The following DNAAF6 variants were observed in gnomAD, a reference collection of about 807,000 sequenced individuals.
DNAAF6 encodes dynein axonemal assembly factor 6, also known as PIH1 domain containing 3.
DNAAF6 carries 3 observed loss-of-function variants against 13.7 expected under a neutral mutation model. The ratio of observed to expected loss-of-function variants is 0.22; its 90% CI spans 0.10 to 0.56. The LOEUF (loss-of-function observed/expected upper bound fraction) is 0.56. Among genes scored for constraint, DNAAF6 ranks in the 20% least tolerant of loss-of-function variants. DNAAF6 has a pLI of 0.92. For synonymous variants in DNAAF6, 54 were observed against 49.2 expected (o/e 1.10, Z -0.41); for missense variants, 130 against 151.0 (o/e 0.86, Z 0.73).
chrX:107,242,401 T>C (rs1928641548), intron 6 of DNAAF6, among the ~76,000 whole-genome samples: 1 of 112,365 alleles, frequency 8.9e-6, no homozygotes, highest in Admixed American at 9.4e-5. Context: ...GAGCATCCTG[T>C]CCACCTTTTA....
At chrX:107,233,523 C>T in intron 5 of DNAAF6, among the ~76,000 whole-genome samples, 1 of 111,588 alleles carries the variant, frequency 9.0e-6, no homozygotes, top group Non-Finnish European at 1.9e-5. Flanking sequence ...CACCATTCTT[C>T]TCTCTATTTC....
intron 4 of DNAAF6, among the ~76,000 whole-genome samples, chrX:107,219,724 A>G (rs1301113871): frequency 1.8e-5 from 2 of 111,577 alleles, no homozygotes; most frequent in Non-Finnish European, 3.8e-5. Context: ...ATTATAATGT[A>G]CTATATAAAT....
intron 4 of DNAAF6, among the ~76,000 whole-genome samples, chrX:107,219,890 C>G (rs1238003771): frequency 1.8e-5 from 2 of 109,998 alleles, no homozygotes; most frequent in Admixed American, 9.7e-5. Context: ...TGCGCCCCTC[C>G]TGGGTTCAAG....
At chrX:107,226,049 G>T (rs950681266) in intron 5 of DNAAF6, among the ~76,000 whole-genome samples, 1 of 111,963 alleles carries the variant, frequency 8.9e-6, no homozygotes, top group Non-Finnish European at 1.9e-5. Context: ...CCTTGTTTAA[G>T]AAGGTACTAT....
At chrX:107,206,776 T>C (rs1927711210) in intron 1 of DNAAF6, 86 bp downstream of exon 1, 1 of 110,750 alleles carries the variant, frequency 9.0e-6, no homozygotes, top group South Asian at 3.9e-4. Flanking sequence ...ACTCTAGATA[T>C]TTATAACTCT....
intron 1 of DNAAF6, among the ~76,000 whole-genome samples, 165 bp downstream of exon 1, chrX:107,206,855 T>G (rs1425123903): frequency 9.0e-6 from 1 of 111,598 alleles, no homozygotes; most frequent in Non-Finnish European, 1.9e-5. Context: ...CCCGCTATCC[T>G]AGACTCTTCA....
In DNAAF6 at chrX:107,236,698, C is replaced by A. The variant is rs1324782494; in HGVS notation, c.430-2224C>A. Among the ~76,000 whole-genome samples, 3 of 112,137 alleles carry A rather than the reference C, an allele frequency of 2.7e-5. No homozygotes were observed. In the East Asian group the frequency reaches 8.3e-4, roughly 31 times the overall value. ...TTTTAAGAACCATTTTAAAGTTCTA[C>A]CCAGAAATTGTATCTATTTTTGTCT... On this transcript the variant is annotated intron_variant, in intron 5 of 6. Transcript: ENST00000372453.
chrX:107,227,641 G>A (rs760761760), intron 5 of DNAAF6, among the ~76,000 whole-genome samples: 3 of 110,494 alleles, frequency 2.7e-5, no homozygotes, highest in Non-Finnish European at 3.8e-5. Context: ...ATTTCTAATC[G>A]CTGTCTCAGT....
At chrX:107,229,127 CTTTTTTTTTTTTTTT>C (rs768372176) in intron 5 of DNAAF6, among the ~76,000 whole-genome samples, 2 of 51,586 alleles carry the variant, frequency 3.9e-5, no homozygotes, top group African/African-American at 2.2e-4. Flanking sequence ...GTTGACTACT[CTTTTTTTTTTTTTTT>C]TTTTTTTTTT....
chrX:107,229,345 C>T (rs754084286), intron 5 of DNAAF6, among the ~76,000 whole-genome samples: 9 of 107,399 alleles, frequency 8.4e-5, no homozygotes, highest in Non-Finnish European at 1.5e-4. Context: ...AGGCTGGTCT[C>T]CAACTCCTGG....
chrX:107,231,286 G>A (rs1440261607), intron 5 of DNAAF6, among the ~76,000 whole-genome samples: 1 of 111,505 alleles, frequency 9.0e-6, no homozygotes, highest in Non-Finnish European at 1.9e-5. Flanking sequence ...TGAACTCATG[G>A]ACATAGGGAG....
chrX:107,233,529 A>G (rs919620812), intron 5 of DNAAF6, among the ~76,000 whole-genome samples: 4 of 110,958 alleles, frequency 3.6e-5, no homozygotes, highest in Non-Finnish European at 5.7e-5. Context: ...TCTTCTCTCT[A>G]TTTCTATGTA....
intron 5 of DNAAF6, among the ~76,000 whole-genome samples, chrX:107,225,437 A>G (rs1424031116): frequency 9.0e-6 from 1 of 111,459 alleles, no homozygotes; most frequent in African/African-American, 3.3e-5. Context: ...TTATAATGCC[A>G]TATTATACCA....
chrX:107,216,134 G>A (rs1265316577), intron 2 of DNAAF6, among the ~76,000 whole-genome samples: 1 of 111,470 alleles, frequency 9.0e-6, no homozygotes, highest in East Asian at 2.8e-4. Context: ...GTCATGAGGC[G>A]GTGGGACAGG....
chrX:107,222,049 G>A (rs1195272939), intron 4 of DNAAF6, among the ~76,000 whole-genome samples: 1 of 111,265 alleles, frequency 9.0e-6, no homozygotes, highest in Non-Finnish European at 1.9e-5. Context: ...AGGGAGGAAT[G>A]ATTTGTGAAT....
chrX:107,232,382 T>A (rs1928423805), intron 5 of DNAAF6, among the ~76,000 whole-genome samples: 1 of 111,168 alleles, frequency 9.0e-6, no homozygotes, highest in Non-Finnish European at 1.9e-5. Context: ...TTACCATACC[T>A]GTCTTTTTAA....
In DNAAF6 at chrX:107,243,906, T is replaced by C. The variant is rs1928676251; in HGVS notation, c.*608T>C. On this transcript the variant is annotated 3_prime_UTR_variant, in exon 7 of 7. Transcript: ENST00000372453. ...TCAGTTGCATAGCAATTGGTCATTA[T>C]TATTACCAGAGAATTTTATTTGGTT... The C allele has an allele frequency of 8.9e-6, 1 of 112,586 alleles. No homozygotes were observed. The highest frequency in any genetic ancestry group is 3.2e-5 in the African/African-American group (1 of 30,906). 9.3% of individuals were successfully genotyped at this position (112,586 alleles called of 1,213,427 possible). A position where few individuals can be genotyped will look rare whatever the true frequency, so the allele number is the denominator to read the frequency against.
chrX:107,217,835 A>G (rs749833605), intron 3 of DNAAF6, among the ~76,000 whole-genome samples: 152 of 112,180 alleles, frequency 1.4e-3, no homozygotes, highest in African/African-American at 4.7e-3. Flanking sequence ...TTATTGCTAT[A>G]CATACTCAAG....
At chrX:107,230,825 C>T (rs939579553) in intron 5 of DNAAF6, among the ~76,000 whole-genome samples, 1 of 111,855 alleles carries the variant, frequency 8.9e-6, no homozygotes, top group Non-Finnish European at 1.9e-5. Context: ...CAGTTTCATC[C>T]AATGTGACAC....
Sources: allele counts gnomAD v4.1 joint callset (sites outside exome capture counted in the v4.1 genomes callset), GRCh38; gene constraint gnomAD v4.1.1; transcripts MANE v1.5; gene names NCBI Gene and HGNC (gene_info 2026-07-23, HGNC 2026-07-21).